Variants in APP observed in about 807,000 individuals in gnomAD.
APP encodes the protein amyloid-beta precursor protein.
Under a neutral mutation model 101.4 loss-of-function variants are expected in APP, and 31 were observed. That is an observed-to-expected ratio of 0.31 (90% CI 0.23 to 0.41). The LOEUF is 0.41. APP is among the 10% of genes least tolerant of loss of function. The pLI is 1.00. For synonymous variants in APP, 366 were observed against 364.4 expected (o/e 1.00, Z -0.05); for missense variants, 839 against 1,003.7 (o/e 0.84, Z 2.22).
rs1555886898 is a variant in APP at position 25,881,498 on chromosome 21, G to A, written c.*172C>T. 2.8e-6 allele frequency: 2 copies of A among 720,810 alleles called. No homozygotes were observed. Among genetic ancestry groups the A allele is most frequent in the South Asian group, 1.6e-5 (1 of 63,554 alleles). The allele number at this position is 720,810 out of a possible 1,614,324, so 44.7% of individuals were successfully genotyped here. A position where few individuals can be genotyped will look rare whatever the true frequency, so the allele number is the denominator to read the frequency against. ...AGATAGAATACATTACTGATGTGTGGATTAATTCAAGTTCAGGCATCTACT... is the reference window on the plus strand; with the variant it reads ...AGATAGAATACATTACTGATGTGTGAATTAATTCAAGTTCAGGCATCTACT... On this transcript the variant is annotated 3_prime_UTR_variant, in exon 18 of 18. Coordinates refer to ENST00000346798, the MANE Select transcript of APP (RefSeq NM_000484.4).
chr21:25,985,069 T>A (rs879527983), intron 8 of APP, among the ~76,000 whole-genome samples: 1 of 152,180 alleles, frequency 6.6e-6, no homozygotes. Flanking sequence ...TATAATCAGA[T>A]TGGCCTAAGT....
At chr21:26,124,023 A>G (rs2062631262) in intron 1 of APP, among the ~76,000 whole-genome samples, 1 of 151,906 alleles carries the variant, frequency 6.6e-6, no homozygotes, top group South Asian at 2.1e-4. Flanking sequence ...GACAAAAGTT[A>G]CTTCACTGTC....
chr21:26,011,892 A>G (rs1161528660), intron 6 of APP, among the ~76,000 whole-genome samples: 1 of 152,228 alleles, frequency 6.6e-6, no homozygotes, highest in East Asian at 1.9e-4. Flanking sequence ...ATTATACCCA[A>G]TAAGAACATA....
At chr21:26,125,098 C>G (rs1311798763) in intron 1 of APP, among the ~76,000 whole-genome samples, 2 of 152,140 alleles carry the variant, frequency 1.3e-5, no homozygotes, top group African/African-American at 4.8e-5. Flanking sequence ...AGAAAACATG[C>G]CCAGGCTGAG....
intron 5 of APP, among the ~76,000 whole-genome samples, chr21:26,023,333 C>T (rs2044427761): frequency 6.7e-6 from 1 of 148,172 alleles, no homozygotes; most frequent in South Asian, 2.1e-4. Context: ...AGTTTGAGAC[C>T]AGCCTGGGCC....
intron 13 of APP, among the ~76,000 whole-genome samples, chr21:25,944,179 A>G (rs1600979891): frequency 1.3e-5 from 2 of 152,226 alleles, no homozygotes; most frequent in Non-Finnish European, 2.9e-5. Flanking sequence ...AGACAAACAC[A>G]TTAAACAGGC....
intron 15 of APP, among the ~76,000 whole-genome samples, chr21:25,902,785 C>T (rs911755387): frequency 1.3e-5 from 2 of 152,244 alleles, no homozygotes; most frequent in African/African-American, 4.8e-5. Context: ...CAAATTCCAT[C>T]TCATGTTTCC....
At chr21:25,959,463 A>C (rs983485167) in intron 11 of APP, among the ~76,000 whole-genome samples, 1 of 152,198 alleles carries the variant, frequency 6.6e-6, no homozygotes, top group Non-Finnish European at 1.5e-5. Flanking sequence ...AAAGTTAAAA[A>C]CAAAGAAATA....
intron 3 of APP, among the ~76,000 whole-genome samples, chr21:26,058,459 G>T (rs45596340): frequency 0.011 from 1,730 of 152,324 alleles, 37 homozygotes; most frequent in African/African-American, 0.038. Context: ...CAGGCGAGTA[G>T]CAGAGGCTCC....
At chr21:25,971,195 G>A (rs906744823) in intron 11 of APP, among the ~76,000 whole-genome samples, 5 of 151,074 alleles carry the variant, frequency 3.3e-5, no homozygotes, top group African/African-American at 7.3e-5. Flanking sequence ...CTACAGGTGT[G>A]CGCCACCACA....
chr21:26,105,523 G>T (rs2062162512), intron 2 of APP, among the ~76,000 whole-genome samples: 1 of 147,352 alleles, frequency 6.8e-6, no homozygotes, highest in East Asian at 2.0e-4. Flanking sequence ...AAAACATGAA[G>T]TTAAAAAAAA....
intron 13 of APP, among the ~76,000 whole-genome samples, chr21:25,918,623 C>T (rs556008305): frequency 4.6e-5 from 7 of 151,780 alleles, no homozygotes; most frequent in African/African-American, 1.2e-4. Flanking sequence ...GGGTGACAGA[C>T]GCACCTGGAA....
At chr21:25,944,035 C>CT (rs71327990) in intron 13 of APP, among the ~76,000 whole-genome samples, 1 of 104,354 alleles carries the variant, frequency 9.6e-6, no homozygotes. Flanking sequence ...AATTTCAATG[C>CT]CCCCCCCCAA....
At position 25,975,129 on chromosome 21, in the gene APP, C is replaced by T. The variant is rs1424012655; in HGVS notation, c.1399G>A (p.Asp467Asn). The T allele has an allele frequency of 1.2e-6, 2 of 1,614,050 alleles. No individual in the cohort carries two copies. The highest frequency in any genetic ancestry group is 1.7e-6 in the Non-Finnish European group (2 of 1,180,004). ...HMARVEAMLNDRRRLALENYI... is the reference protein window; with the variant it reads ...HMARVEAMLNNRRRLALENYI... ...TTCTCCAGGGCCAGGCGGCGGCGGT[C>T]ATTGAGCATGGCTTCCACTCTGGCC... The change falls in exon 11 of 18, where the codon GAC becomes AAC. Residue 467 changes from aspartate to asparagine, a missense_variant. Asp to Asn is a conservative substitution (Grantham distance 23). Coordinates refer to ENST00000346798, the MANE Select transcript of APP (RefSeq NM_000484.4).
intron 4 of APP, among the ~76,000 whole-genome samples, chr21:26,051,865 CAATG>C (rs1212780511): frequency 1.3e-5 from 2 of 152,118 alleles, no homozygotes; most frequent in African/African-American, 4.8e-5. Flanking sequence ...TAAAGGTAGA[CAATG>C]AAAATATTAC....
At chr21:26,090,182 A>G in intron 2 of APP, 110 bp from the exon 3 acceptor site, 1 of 1,516,194 alleles carries the variant, frequency 6.6e-7, no homozygotes, top group Non-Finnish European at 9.0e-7. Context: ...CCTTATCCAA[A>G]ATGCTTGGGA....
chr21:26,111,837 A>G (rs2062331342), intron 2 of APP, 142 bp downstream of exon 2: 6 of 837,728 alleles, frequency 7.2e-6, no homozygotes, highest in African/African-American at 1.7e-5. Flanking sequence ...GCAAATAAAT[A>G]TATTAATGGT....
At chr21:26,030,838 T>C (rs1223205957) in intron 5 of APP, among the ~76,000 whole-genome samples, 1 of 152,138 alleles carries the variant, frequency 6.6e-6, no homozygotes, top group Non-Finnish European at 1.5e-5. Flanking sequence ...CCATATATAT[T>C]TTGGGTGGAG....
At chr21:25,901,927 C>T (rs536732882) in intron 15 of APP, among the ~76,000 whole-genome samples, 103 of 152,230 alleles carry the variant, frequency 6.8e-4, no homozygotes, top group South Asian at 2.3e-3. Flanking sequence ...GTGAAGAGCT[C>T]GCTAATGTGT....
Sources: allele counts gnomAD v4.1 joint callset (sites outside exome capture counted in the v4.1 genomes callset), GRCh38; gene constraint gnomAD v4.1.1; transcripts MANE v1.5; gene names NCBI Gene and HGNC (gene_info 2026-07-23, HGNC 2026-07-21).